Variants in DIP2C observed in about 807,000 individuals in gnomAD.
The protein encoded by DIP2C is disco-interacting protein 2 homolog C.
In DIP2C, 33 loss-of-function variants were observed where a neutral mutation model predicts 192.4. That is an observed-to-expected ratio of 0.17 (90% CI 0.13 to 0.23). DIP2C has a LOEUF of 0.23. Among genes scored for constraint, DIP2C ranks in the 10% least tolerant of loss-of-function variants. DIP2C has a pLI of 1.00. For missense variants in DIP2C, 1,537 were observed against 2,110.1 expected, an observed-to-expected ratio of 0.73 and a Z score of 5.32; for synonymous variants, 979 against 864.1, an observed-to-expected ratio of 1.13 and a Z score of -2.33.
intron 35 of DIP2C, among the ~76,000 whole-genome samples, chr10:281,813 A>T (rs527837134): frequency 6.6e-6 from 1 of 152,364 alleles, no homozygotes; most frequent in South Asian, 2.1e-4. Flanking sequence ...AAGAAAGCAT[A>T]GCTCTTGCTC....
rs565731460 is a variant in DIP2C at position 632,323 on chromosome 10, C to T, written c.85+57171G>A. The stretch of plus-strand genomic sequence containing the variant: ...CGGCCAGCACTGTAACTGGAAACCA[C>T]GCGGGCACCAGCGTGAACTCAGACC... On this transcript the variant is annotated intron_variant, in intron 1 of 36. Coordinates refer to ENST00000280886, the MANE Select transcript of DIP2C (RefSeq NM_014974.3). Among the ~76,000 whole-genome samples the T allele has an allele frequency of 5.5e-4, 84 of 152,286 alleles. 1 individual carries two copies. Among genetic ancestry groups the T allele is most frequent in the African/African-American group, 1.9e-3 (78 of 41,556 alleles).
chr10:369,494 C>T lies in DIP2C; in HGVS notation c.2131G>A (p.Ala711Thr), dbSNP rs1219502879. 3 of 1,545,332 alleles carry T rather than the reference C, an allele frequency of 1.9e-6. No individual in the cohort carries two copies. The highest frequency in any genetic ancestry group is 2.7e-5 in the African/African-American group (2 of 73,458). The change falls in exon 18 of 37, where the codon GCC becomes ACC. Residue 711 changes from alanine (A) to threonine (T), a missense_variant and splice_region_variant. This residue lies in a region of DIP2C where 677 missense variants were observed against 989.9 expected (regional missense o/e 0.68). Coordinates refer to ENST00000280886, the MANE Select transcript of DIP2C (RefSeq NM_014974.3). ...VQDVGLVMPG[A>T]IMCSVKPDGV... ...TGTGCAGCTCGCGACCCACACTCAC[C>T]TCCAGGCATCACGAGGCCGACATCC... is the stretch of plus-strand genomic sequence containing the variant.
chr10:398,730 C>G (rs1964182769), intron 10 of DIP2C, among the ~76,000 whole-genome samples: 1 of 152,180 alleles, frequency 6.6e-6, no homozygotes, highest in South Asian at 2.1e-4. Flanking sequence ...CCTGACAAAT[C>G]ATAGGTCAAC....
At chr10:335,568 G>A (rs1412938612) in intron 29 of DIP2C, among the ~76,000 whole-genome samples, 1 of 152,224 alleles carries the variant, frequency 6.6e-6, no homozygotes, top group Non-Finnish European at 1.5e-5. Flanking sequence ...CCAGGCTTTG[G>A]GAAGATTCTA....
chr10:373,888 C>G (rs577303571), intron 17 of DIP2C, among the ~76,000 whole-genome samples: 1 of 152,324 alleles, frequency 6.6e-6, no homozygotes, highest in East Asian at 1.9e-4. Flanking sequence ...GTTTGATCAC[C>G]AATAAATAGT....
At chr10:577,550 C>G (rs1318954979) in intron 1 of DIP2C, among the ~76,000 whole-genome samples, 4 of 152,180 alleles carry the variant, frequency 2.6e-5, no homozygotes, top group Non-Finnish European at 5.9e-5. Context: ...ACACTCAGCA[C>G]GCAGTGAGAA....
chr10:643,074 C>T (rs1855280377), intron 1 of DIP2C, among the ~76,000 whole-genome samples: 1 of 152,080 alleles, frequency 6.6e-6, no homozygotes, highest in Non-Finnish European at 1.5e-5. Context: ...CATGGTGGCA[C>T]ATGTCTGTAA....
intron 17 of DIP2C, among the ~76,000 whole-genome samples, chr10:374,269 A>C (rs536738082): frequency 3.9e-4 from 59 of 152,364 alleles, no homozygotes; most frequent in Non-Finnish European, 6.8e-4. Flanking sequence ...AAAATGGAGC[A>C]TCACAAAGCA....
At chr10:362,771 C>T (rs1959691170) in intron 21 of DIP2C, 80 bp from the exon 22 acceptor site, 1 of 1,424,192 alleles carries the variant, frequency 7.0e-7, no homozygotes, top group Non-Finnish European at 9.5e-7. Context: ...AAATATGATC[C>T]ACAATACACA....
chr10:427,580 CA>C (rs1164286731), intron 4 of DIP2C, among the ~76,000 whole-genome samples: 4 of 18,488 alleles, frequency 2.2e-4, no homozygotes, highest in African/African-American at 4.8e-4. Context: ...AAAACATGGG[CA>C]AAAAATCTGG....
chr10:418,265 AGGCCTCAGATAGGCATCCCCGTC>A (rs1965928675), intron 6 of DIP2C, among the ~76,000 whole-genome samples: 1 of 132,354 alleles, frequency 7.6e-6, no homozygotes, highest in Non-Finnish European at 1.6e-5. Flanking sequence ...TGCACCTGTC[AGGCCTCAGATAGGCATCCCCGTC>A]CACCTGTCGG....
rs1326830011 is a variant in DIP2C at position 651,066 on chromosome 10, C to CCTGCT, written c.85+38423_85+38427dup. ...TTCCATCCTAGCCCCTGCCACCCCT[C>CCTGCT]CTGCTCTTGTCTCTCCCACACCTCC... On this transcript the variant is annotated intron_variant, in intron 1 of 36. Transcript: ENST00000280886. This position sits in a 1 kb window ranked among gnomAD's most constrained non-coding sequence, Gnocchi z 4.1. 4.2e-6 allele frequency: 3 copies of CCTGCT among 717,410 alleles called. No homozygotes were observed. The highest frequency in any genetic ancestry group is 5.2e-6 in the Non-Finnish European group (2 of 385,120). The allele number at this position is 717,410 out of a possible 1,614,324, so 44.4% of individuals were successfully genotyped here.
At chr10:657,216 C>CCTGGACCTGCCCGTGGACCTGCCG (rs1856406687) in intron 1 of DIP2C, among the ~76,000 whole-genome samples, 1 of 104,256 alleles carries the variant, frequency 9.6e-6, no homozygotes, top group Non-Finnish European at 2.0e-5. Flanking sequence ...TGGACTTGAC[C>CCTGGACCTGCCCGTGGACCTGCCG]CTGGACCTGC....
At chr10:437,006 C>T (rs1402110790) in intron 4 of DIP2C, among the ~76,000 whole-genome samples, 1 of 134,858 alleles carries the variant, frequency 7.4e-6, no homozygotes, top group Non-Finnish European at 1.6e-5. Context: ...GGCCATGCTC[C>T]ACCCACACCT....
chr10:578,997 A>G (rs944006899), intron 1 of DIP2C, among the ~76,000 whole-genome samples: 3 of 152,174 alleles, frequency 2.0e-5, no homozygotes, highest in African/African-American at 7.2e-5. Flanking sequence ...ATGTAGGTAC[A>G]CTATAACGTG....
chr10:400,220 G>A (rs139471046), intron 9 of DIP2C, among the ~76,000 whole-genome samples: 3 of 150,266 alleles, frequency 2.0e-5, no homozygotes, highest in African/African-American at 7.4e-5. Flanking sequence ...ATGGGGTCTC[G>A]TTATGTTGCC....
chr10:484,139 T>C (rs946942573), intron 2 of DIP2C, among the ~76,000 whole-genome samples: 4 of 152,338 alleles, frequency 2.6e-5, no homozygotes, highest in African/African-American at 9.6e-5. Context: ...CATTTTGAAG[T>C]GTAACCCTGA....
chr10:329,262 C>T (rs919314274), intron 30 of DIP2C, among the ~76,000 whole-genome samples, 171 bp downstream of exon 30: 5 of 152,190 alleles, frequency 3.3e-5, no homozygotes, highest in Non-Finnish European at 5.9e-5. Context: ...GAAATATTCA[C>T]GTTAAAAAGA....
intron 1 of DIP2C, among the ~76,000 whole-genome samples, chr10:527,943 A>T (rs1358731281): frequency 6.6e-6 from 1 of 152,090 alleles, no homozygotes; most frequent in Non-Finnish European, 1.5e-5. Flanking sequence ...AGCTCCACGT[A>T]ATTATGTAGA....
Sources: gnomAD v4.1 joint callset for allele counts (sites outside exome capture counted in the v4.1 genomes callset) on GRCh38, gnomAD v4.1.1 for gene constraint, gnomAD v4.1.1 regional missense constraint, Gnocchi (gnomAD v3.1) non-coding constraint, MANE v1.5 for transcripts, NCBI Gene and HGNC (gene_info 2026-07-23, HGNC 2026-07-21) for gene names.